PCSK5: variants seen among roughly 807,000 people sequenced by gnomAD.
PCSK5 encodes prohormone convertase 5.
PCSK5 carries 129 observed loss-of-function variants against 233.2 expected under a neutral mutation model. The ratio of observed to expected loss-of-function variants is 0.55; its 90% CI spans 0.48 to 0.64. The LOEUF (loss-of-function observed/expected upper bound fraction) is 0.64. Among genes scored for constraint, PCSK5 ranks in the 30% least tolerant of loss-of-function variants. The pLI is 0.00. For synonymous variants in PCSK5, 825 were observed against 879.2 expected, an observed-to-expected ratio of 0.94 and a Z score of 1.09; for missense variants, 2,076 against 2,430.1, an observed-to-expected ratio of 0.85 and a Z score of 3.06.
chr9:75,999,365 G>A (rs1239326803), intron 3 of PCSK5, among the ~76,000 whole-genome samples: 1 of 150,090 alleles, frequency 6.7e-6, no homozygotes, highest in Non-Finnish European at 1.5e-5. Flanking sequence ...GAGGTGTGAA[G>A]TGGGAAATCA....
At chr9:76,158,481 T>C (rs1483102946) in intron 11 of PCSK5, among the ~76,000 whole-genome samples, 2 of 152,124 alleles carry the variant, frequency 1.3e-5, no homozygotes, top group Non-Finnish European at 2.9e-5. Flanking sequence ...GAGAGGAAGA[T>C]GAGAACCTAT....
chr9:76,247,320 T>C (rs1299278098), intron 24 of PCSK5, among the ~76,000 whole-genome samples: 1 of 151,992 alleles, frequency 6.6e-6, no homozygotes, highest in East Asian at 1.9e-4. Flanking sequence ...TAGAGTGAAA[T>C]AGAGTGGAAA....
chr9:76,085,223 C>T (rs1418199703), intron 7 of PCSK5, among the ~76,000 whole-genome samples: 3 of 152,310 alleles, frequency 2.0e-5, no homozygotes, highest in African/African-American at 7.2e-5. Flanking sequence ...CAAAGATCTT[C>T]TCTGAGTTCC....
chr9:75,935,454 A>G (rs926377493), intron 2 of PCSK5, among the ~76,000 whole-genome samples: 3 of 152,222 alleles, frequency 2.0e-5, no homozygotes, highest in African/African-American at 4.8e-5. Flanking sequence ...ATGCGCCTTC[A>G]ATTCTAAATA....
chr9:76,096,939 T>TTTTTTA, intron 8 of PCSK5, among the ~76,000 whole-genome samples: 1 of 139,712 alleles, frequency 7.2e-6, no homozygotes, highest in African/African-American at 3.0e-5. Context: ...TTATTTTTTA[T>TTTTTTA]TTTTTTTTTT....
intron 3 of PCSK5, among the ~76,000 whole-genome samples, chr9:75,991,642 A>AG (rs1563959480): frequency 6.6e-6 from 1 of 152,152 alleles, no homozygotes; most frequent in Non-Finnish European, 1.5e-5. Flanking sequence ...CCAGAGACAG[A>AG]GGATATCTGA....
intron 8 of PCSK5, among the ~76,000 whole-genome samples, chr9:76,102,721 T>C (rs187921841): frequency 1.1e-3 from 170 of 152,318 alleles, no homozygotes; most frequent in African/African-American, 3.9e-3. Flanking sequence ...TATACACATA[T>C]GCACACATAA....
At chr9:76,337,354 G>A (rs968151278) in intron 34 of PCSK5, among the ~76,000 whole-genome samples, 2 of 151,676 alleles carry the variant, frequency 1.3e-5, no homozygotes, top group African/African-American at 4.8e-5. Context: ...ATTTTTAGTA[G>A]AGATGAGGTT....
chr9:76,052,304 G>A (rs984557188), intron 5 of PCSK5, among the ~76,000 whole-genome samples: 3 of 152,186 alleles, frequency 2.0e-5, no homozygotes, highest in East Asian at 1.9e-4. Flanking sequence ...CTGTTCTCAC[G>A]CTGCCAATAA....
chr9:76,014,125 G>A lies in PCSK5; in HGVS notation c.412-9613G>A, dbSNP rs1212821006. On this transcript the variant is annotated intron_variant, in intron 3 of 37. Coordinates refer to ENST00000674117, the MANE Select transcript of PCSK5 (RefSeq NM_001372043.1). Reference sequence around the variant, plus strand: ...AGCAGATTTATGCTCAGAGGGGACCGAGAGGGTGAAGAGTTCTATGCAAGC... The same window carrying A: ...AGCAGATTTATGCTCAGAGGGGACCAAGAGGGTGAAGAGTTCTATGCAAGC... 3.9e-5 allele frequency among the ~76,000 whole-genome samples: 6 copies of A among 152,170 alleles called. No individual in the cohort carries two copies. The East Asian group carries it at 5.8e-4, about 15-fold the overall frequency.
intron 20 of PCSK5, chr9:76,193,459 T>A (rs1007484923): frequency 7.1e-5 from 58 of 816,286 alleles, no homozygotes; most frequent in Non-Finnish European, 9.9e-5. Context: ...ACCTCTCTCT[T>A]TCTTTTCTTG....
Position 76,184,662 on chromosome 9 carries a change from T to A in PCSK5, c.2198-11T>A. On this transcript the variant is annotated splice_polypyrimidine_tract_variant and intron_variant, in intron 16 of 37. Coordinates refer to ENST00000674117, the MANE Select transcript of PCSK5 (RefSeq NM_001372043.1). ...ACCAACTGATTTACAACTTTCTCTT[T>A]TTTTTAACAGAGAAAAATCTTTGCC... 1 of 1,588,374 alleles carries A rather than the reference T, an allele frequency of 6.3e-7. No individual in the cohort carries two copies. The highest frequency in any genetic ancestry group is 8.6e-7 in the Non-Finnish European group (1 of 1,159,194).
chr9:76,332,558 C>T lies in PCSK5; in HGVS notation c.4696C>T (p.Arg1566Ter), dbSNP rs140709872. Residue 1566 changes from arginine (R) to a stop codon, truncating the protein, a stop_gained, in exon 34 of 38, where the codon CGA becomes TGA. Coordinates refer to ENST00000674117, the MANE Select transcript of PCSK5 (RefSeq NM_001372043.1). LOFTEE classifies it high-confidence loss of function. ...GRHSRQCHSC[R>*]PGWFQLGKEC... ...ACACAGCAGGCAGTGCCACTCCTGC[C>T]GACCGGGCTGGTTCCAGCTAGGAAA... 13 of 1,610,984 alleles carry T rather than the reference C, an allele frequency of 8.1e-6. No homozygotes were observed. Among genetic ancestry groups the T allele is most frequent in the East Asian group, 2.2e-5 (1 of 44,812 alleles).
intron 20 of PCSK5, among the ~76,000 whole-genome samples, chr9:76,200,921 C>A (rs1428348450): frequency 6.6e-6 from 1 of 152,198 alleles, no homozygotes; most frequent in Non-Finnish European, 1.5e-5. Flanking sequence ...TGCCCAAGGA[C>A]CCCATCAAGT....
At chr9:75,919,015 T>A (rs1228364571) in intron 1 of PCSK5, among the ~76,000 whole-genome samples, 3 of 152,194 alleles carry the variant, frequency 2.0e-5, no homozygotes, top group Non-Finnish European at 4.4e-5. Context: ...CACTGTACAG[T>A]TCTGTACGTT....
intron 27 of PCSK5, among the ~76,000 whole-genome samples, chr9:76,300,861 C>G (rs1473718542): frequency 2.6e-5 from 4 of 152,172 alleles, no homozygotes; most frequent in African/African-American, 9.7e-5. Flanking sequence ...ATAAAGCTCT[C>G]AGGACACATA....
At chr9:76,212,185 A>C (rs1825354459) in intron 20 of PCSK5, among the ~76,000 whole-genome samples, 1 of 152,118 alleles carries the variant, frequency 6.6e-6, no homozygotes, top group African/African-American at 2.4e-5. Context: ...GGCCCCTCTG[A>C]AGGAATGTGT....
At chr9:76,351,521 A>G (rs962364331) in intron 36 of PCSK5, among the ~76,000 whole-genome samples, 199 of 124,758 alleles carry the variant, frequency 1.6e-3, no homozygotes, top group East Asian at 3.7e-3. Context: ...AGAAAGAAAG[A>G]AAGAAAGAAA....
rs1486664045 is a variant in PCSK5, at chr9:76,179,669, C to G, written c.1974C>G (p.His658Gln). 9 of 1,612,464 alleles carry G rather than the reference C, an allele frequency of 5.6e-6. No individual in the cohort carries two copies. The highest frequency in any genetic ancestry group is 7.6e-6 in the Non-Finnish European group (9 of 1,178,616). Residue 658 changes from histidine (H) to glutamine (Q), a missense_variant, in exon 15 of 38, where the codon CAC becomes CAG. Transcript: ENST00000674117. ...PGPDHCNDCL[H>Q]YYYKLKNNTR... Reference sequence around the variant, plus strand: ...CAGACCACTGCAATGACTGTTTGCACTACTACTACAAGCTGAAAAACAATA... The same window carrying G: ...CAGACCACTGCAATGACTGTTTGCAGTACTACTACAAGCTGAAAAACAATA...
Sources: gnomAD v4.1 joint callset for allele counts (sites outside exome capture counted in the v4.1 genomes callset) on GRCh38, gnomAD v4.1.1 for gene constraint, MANE v1.5 for transcripts, NCBI Gene and HGNC (gene_info 2026-07-23, HGNC 2026-07-21) for gene names.